ANKRD11: variants seen among roughly 807,000 people sequenced by gnomAD.
ANKRD11 encodes ankyrin repeat domain 11, also known as ankyrin repeat domain-containing protein 11.
In ANKRD11, 17 loss-of-function variants were observed where a neutral mutation model predicts 195.7. The ratio of observed to expected loss-of-function variants is 0.09; its 90% CI spans 0.06 to 0.13. The LOEUF (loss-of-function observed/expected upper bound fraction) is 0.13, where lower values mean the gene tolerates loss of function less well. ANKRD11 is among the 10% of genes least tolerant of loss of function. The pLI is 1.00. For synonymous variants in ANKRD11, 1,953 were observed against 1,528.1 expected (o/e 1.28, Z -6.49); for missense variants, 3,735 against 3,566.1 (o/e 1.05, Z -1.21).
At chr16:89,304,485 CG>C (rs1267748970) in intron 4 of ANKRD11, among the ~76,000 whole-genome samples, 1 of 151,716 alleles carries the variant, frequency 6.6e-6, no homozygotes, top group Non-Finnish European at 1.5e-5. Flanking sequence ...CACACATACA[CG>C]GGCATAGACG....
intron 11 of ANKRD11, among the ~76,000 whole-genome samples, chr16:89,274,473 A>C (rs1236411643): frequency 6.6e-6 from 1 of 152,090 alleles, no homozygotes; most frequent in African/African-American, 2.4e-5. Flanking sequence ...CCAGCAGTTT[A>C]AACAGAAAAT....
At chr16:89,348,239 C>T (rs1324133766) in intron 2 of ANKRD11, among the ~76,000 whole-genome samples, 1 of 152,152 alleles carries the variant, frequency 6.6e-6, no homozygotes, top group African/African-American at 2.4e-5. Context: ...GCCTCAAATA[C>T]CATTTTTTAA....
At chr16:89,325,057 A>G (rs778998940) in intron 2 of ANKRD11, 13 of 155,352 alleles carry the variant, frequency 8.4e-5, no homozygotes, top group Non-Finnish European at 1.8e-4. Context: ...CATACTGAAC[A>G]CAAGTATGCC....
chr16:89,327,237 G>A (rs2037785093), intron 2 of ANKRD11, among the ~76,000 whole-genome samples: 1 of 152,088 alleles, frequency 6.6e-6, no homozygotes, highest in African/African-American at 2.4e-5. Flanking sequence ...AATCACAACT[G>A]GTACAGAAAA....
chr16:89,418,630 T>C (rs186673164), intron 1 of ANKRD11: 17 of 164,330 alleles, frequency 1.0e-4, no homozygotes, highest in African/African-American at 3.6e-4. Flanking sequence ...ATGACACTGA[T>C]ACAATCTTGT....
intron 4 of ANKRD11, among the ~76,000 whole-genome samples, chr16:89,295,524 T>A (rs1304227770): frequency 1.3e-5 from 2 of 152,110 alleles, no homozygotes; most frequent in African/African-American, 4.8e-5. Context: ...CTGAGACCCC[T>A]CCATGAGCCC....
intron 2 of ANKRD11, among the ~76,000 whole-genome samples, chr16:89,409,964 T>C (rs1197113100): frequency 2.0e-5 from 3 of 152,152 alleles, no homozygotes; most frequent in African/African-American, 4.8e-5. Flanking sequence ...CTCAGCCTCC[T>C]GAGTAGCTGG....
intron 2 of ANKRD11, among the ~76,000 whole-genome samples, chr16:89,336,258 G>C (rs930370821): frequency 6.6e-6 from 1 of 152,192 alleles, no homozygotes; most frequent in Non-Finnish European, 1.5e-5. Context: ...AGCTGGACCT[G>C]GTGCCTGGCT....
At position 89,281,062 on chromosome 16, in the gene ANKRD11, G is replaced by C. The variant is rs778780920; in HGVS notation, c.5480C>G (p.Pro1827Arg). 3.1e-6 allele frequency: 5 copies of C among 1,606,648 alleles called. No individual in the cohort carries two copies. The highest frequency in any genetic ancestry group is 4.3e-6 in the Non-Finnish European group (5 of 1,174,814). The change falls in exon 9 of 13, where the codon CCC becomes CGC. Residue 1827 changes from proline to arginine, a missense_variant. Pro to Arg is a moderately radical substitution (Grantham distance 103). Transcript: ENST00000301030. The surrounding 1 kb of genome is among the most constrained non-coding windows in gnomAD (Gnocchi z 5.5). Reference sequence around the variant, plus strand: ...CAGGGGCGCCCTGTCTTCCATCGAGGGTGGCATGGGAGAGTCGTAGCTGGA... The same window carrying C: ...CAGGGGCGCCCTGTCTTCCATCGAGCGTGGCATGGGAGAGTCGTAGCTGGA... ...AASSYDSPMP[P>R]SMEDRAPLPP...
intron 1 of ANKRD11, among the ~76,000 whole-genome samples, chr16:89,481,581 T>C (rs566423529): frequency 1.3e-5 from 2 of 152,278 alleles, no homozygotes; most frequent in Non-Finnish European, 2.9e-5. Context: ...TTAGGCACCA[T>C]GGTGTTGCAA....
At chr16:89,474,449 T>C (rs528356613) in intron 1 of ANKRD11, among the ~76,000 whole-genome samples, 1 of 150,900 alleles carries the variant, frequency 6.6e-6, no homozygotes, top group African/African-American at 2.4e-5. Flanking sequence ...AGACCCTGTC[T>C]CTACCTTATG....
At chr16:89,430,539 C>T (rs988367850) in intron 1 of ANKRD11, among the ~76,000 whole-genome samples, 25 of 152,082 alleles carry the variant, frequency 1.6e-4, no homozygotes, top group African/African-American at 5.1e-4. Flanking sequence ...CACGCTCAGA[C>T]GTTCTAGTAC....
chr16:89,421,792 G>A (rs2042520289), intron 1 of ANKRD11, among the ~76,000 whole-genome samples: 1 of 152,038 alleles, frequency 6.6e-6, no homozygotes, highest in South Asian at 2.1e-4. Flanking sequence ...TCTGGGGGTG[G>A]GGGTGAGACA....
intron 2 of ANKRD11, among the ~76,000 whole-genome samples, chr16:89,371,647 T>A (rs1257419035): frequency 6.6e-6 from 1 of 151,724 alleles, no homozygotes; most frequent in Non-Finnish European, 1.5e-5. Flanking sequence ...CAAGGAGGGG[T>A]GTGGAGGGCG....
At position 89,283,489 on chromosome 16, in the gene ANKRD11, T is replaced by C. The variant is rs776196930; in HGVS notation, c.3053A>G (p.Glu1018Gly). 3 of 1,614,168 alleles carry C rather than the reference T, an allele frequency of 1.9e-6. No individual in the cohort carries two copies. The highest frequency in any genetic ancestry group is 2.5e-6 in the Non-Finnish European group (3 of 1,180,050). ...TTCTGGTTTTGTCTTCTCCTTCCTTTCCTTATCGGGGCCATCCTTCTTCTC... is the reference window on the plus strand; with the variant it reads ...TTCTGGTTTTGTCTTCTCCTTCCTTCCCTTATCGGGGCCATCCTTCTTCTC... Reference protein sequence around the residue: ...EKEKKDGPDKERKEKTKPERY... With the variant: ...EKEKKDGPDKGRKEKTKPERY... Residue 1018 changes from glutamate (E) to glycine (G), a missense_variant, in exon 9 of 13, where the codon GAA (glutamate) becomes GGA (glycine). Glu to Gly is a moderately conservative substitution (Grantham distance 98, BLOSUM62 -2). Transcript: ENST00000301030. This position sits in a 1 kb window ranked among gnomAD's most constrained non-coding sequence, Gnocchi z 4.3.
At chr16:89,316,074 A>G (rs2036937673) in intron 3 of ANKRD11, among the ~76,000 whole-genome samples, 1 of 152,010 alleles carries the variant, frequency 6.6e-6, no homozygotes, top group African/African-American at 2.4e-5. Context: ...CCAAGAAGTT[A>G]GGAGGAGCAA....
intron 1 of ANKRD11, among the ~76,000 whole-genome samples, chr16:89,435,658 G>A (rs746550582): frequency 2.6e-5 from 4 of 151,946 alleles, no homozygotes; most frequent in African/African-American, 4.8e-5. Flanking sequence ...CAGCGAGACC[G>A]AGAACCCACC....
At chr16:89,270,721 C>T in intron 12 of ANKRD11, 96 bp downstream of exon 12, 1 of 1,233,690 alleles carries the variant, frequency 8.1e-7, no homozygotes, top group Non-Finnish European at 1.2e-6. Flanking sequence ...GGGCAGCGGC[C>T]TCCCCCCAGG....
chr16:89,459,734 G>A (rs2056585603), intron 1 of ANKRD11, among the ~76,000 whole-genome samples: 1 of 152,122 alleles, frequency 6.6e-6, no homozygotes, highest in Admixed American at 6.6e-5. Flanking sequence ...CTAGGCAAGA[G>A]GATTTCTTGA....
Sources: allele counts gnomAD v4.1 joint callset (sites outside exome capture counted in the v4.1 genomes callset), GRCh38; gene constraint gnomAD v4.1.1; non-coding constraint Gnocchi (gnomAD v3.1); transcripts MANE v1.5; gene names NCBI Gene and HGNC (gene_info 2026-07-23, HGNC 2026-07-21).